Variants in FRMD4A observed in about 807,000 individuals in gnomAD.
FRMD4A encodes FERM domain-containing protein 4A.
In FRMD4A, 29 loss-of-function variants were observed where a neutral mutation model predicts 129.1. The ratio of observed to expected loss-of-function variants is 0.22; its 90% CI spans 0.17 to 0.31. The LOEUF is 0.31. FRMD4A is among the 10% of genes least tolerant of loss of function. FRMD4A has a pLI of 1.00. For missense variants in FRMD4A, 1,272 were observed against 1,375.8 expected, an observed-to-expected ratio of 0.92 and a Z score of 1.19; for synonymous variants, 634 against 571.6, an observed-to-expected ratio of 1.11 and a Z score of -1.56.
At chr10:13,833,432 G>A (rs2093821758) in intron 3 of FRMD4A, among the ~76,000 whole-genome samples, 1 of 152,120 alleles carries the variant, frequency 6.6e-6, no homozygotes, top group Non-Finnish European at 1.5e-5. Flanking sequence ...TGACACATGG[G>A]AATTATTACA....
rs1047955111 is a variant in FRMD4A at position 13,966,630 on chromosome 10, G to A, written c.46-107718C>T. The stretch of plus-strand genomic sequence containing the variant: ...ACAGAAGTTTCCCTCCAGGGCTGGG[G>A]CCGAGTGCTGTTTAGAGAAGGGGAC... On this transcript the variant is annotated intron_variant, in intron 2 of 24. Transcript: ENST00000357447. 3.3e-5 allele frequency among the ~76,000 whole-genome samples: 5 copies of A among 152,344 alleles called. No homozygotes were observed. In the East Asian group the frequency reaches 9.7e-4, roughly 29 times the overall value.
Position 13,884,154 on chromosome 10 carries a change from T to TCACTCACACACACACACACTCACACACA in FRMD4A, c.46-25243_46-25242insTGTGTGTGAGTGTGTGTGTGTGTGAGTG, listed in dbSNP as rs1564970810. 1.8e-3 allele frequency among the ~76,000 whole-genome samples: 205 copies of TCACTCACACACACACACACTCACACACA among 111,192 alleles called. 5 individuals are homozygous for TCACTCACACACACACACACTCACACACA. The highest frequency in any genetic ancestry group is 2.6e-3 in the Non-Finnish European group (139 of 54,402). The allele number at this position is 111,192 out of a possible 152,430, so 72.9% of individuals were successfully genotyped here. A position where few individuals can be genotyped will look rare whatever the true frequency, so the allele number is the denominator to read the frequency against. ...CACGCTCACACACACTCTCACACAC[T>TCACTCACACACACACACACTCACACACA]CTCACACACACACTCACACACTCAC... On this transcript the variant is annotated intron_variant, in intron 2 of 24. Coordinates refer to ENST00000357447, the MANE Select transcript of FRMD4A (RefSeq NM_018027.5).
At chr10:13,787,734 C>T (rs930330422) in intron 5 of FRMD4A, among the ~76,000 whole-genome samples, 2 of 151,874 alleles carry the variant, frequency 1.3e-5, no homozygotes, top group African/African-American at 2.4e-5. Context: ...ACTCAGGTTA[C>T]AGGCCAGCCT....
chr10:14,103,447 G>A (rs1837414422), intron 2 of FRMD4A, among the ~76,000 whole-genome samples: 1 of 152,176 alleles, frequency 6.6e-6, no homozygotes, highest in South Asian at 2.1e-4. Context: ...GATCCACTGA[G>A]GTTGGTGGAG....
At chr10:14,095,261 T>C (rs12255673) in intron 2 of FRMD4A, among the ~76,000 whole-genome samples, 45,094 of 152,092 alleles carry the variant, frequency 0.3, 6,958 homozygotes, top group East Asian at 0.41. Context: ...CACCAGCTCT[T>C]CAGAGTAAAT....
intron 2 of FRMD4A, among the ~76,000 whole-genome samples, chr10:13,982,104 C>A (rs1011377617): frequency 2.0e-5 from 3 of 152,158 alleles, no homozygotes; most frequent in Non-Finnish European, 4.4e-5. Context: ...GAAACCAGAA[C>A]CCTTTTTTCC....
At chr10:14,304,615 G>A (rs965585029) in intron 2 of FRMD4A, among the ~76,000 whole-genome samples, 1 of 152,164 alleles carries the variant, frequency 6.6e-6, no homozygotes, top group Non-Finnish European at 1.5e-5. Flanking sequence ...GTCTGGCCAA[G>A]CTCATGGTGA....
intron 12 of FRMD4A, among the ~76,000 whole-genome samples, chr10:13,713,948 TACACAC>T (rs201359265): frequency 9.5e-6 from 1 of 105,332 alleles, no homozygotes; most frequent in Non-Finnish European, 2.0e-5. Context: ...ATATATGTAA[TACACAC>T]ACATATATAA....
At chr10:13,860,902 C>T (rs2094286089) in intron 2 of FRMD4A, among the ~76,000 whole-genome samples, 1 of 152,214 alleles carries the variant, frequency 6.6e-6, no homozygotes, top group Non-Finnish European at 1.5e-5. Context: ...CCTCAGCCTC[C>T]TGAGTAGCTG....
intron 2 of FRMD4A, among the ~76,000 whole-genome samples, chr10:14,221,641 C>G (rs1843264062): frequency 6.6e-6 from 1 of 152,042 alleles, no homozygotes; most frequent in South Asian, 2.1e-4. Context: ...CTAACTCCAG[C>G]CTCCAACTCC....
Position 13,810,844 on chromosome 10 carries a change from T to C in FRMD4A, c.176A>G (p.Glu59Gly). 6.3e-7 allele frequency: 1 copy of C among 1,596,832 alleles called. No homozygotes were observed. The highest frequency in any genetic ancestry group is 8.6e-7 in the Non-Finnish European group (1 of 1,164,898). ...VASHFNLKEK[E>G]YFGIAFTDET... ...ATCTGTGAATGCTATTCCAAAGTACTCCTTTTCCTTCAGATTGAAGTGAGA... is the reference window on the plus strand; with the variant it reads ...ATCTGTGAATGCTATTCCAAAGTACCCCTTTTCCTTCAGATTGAAGTGAGA... Residue 59 changes from glutamate (E) to glycine (G), a missense_variant, in exon 4 of 25, where the codon GAG becomes GGG. Physicochemically the swap from Glu to Gly is moderately conservative, Grantham distance 98. This residue lies in a region of FRMD4A where 300 missense variants were observed against 483.6 expected (regional missense o/e 0.62). Coordinates refer to ENST00000357447, the MANE Select transcript of FRMD4A (RefSeq NM_018027.5).
chr10:13,977,430 C>G (rs994882928), intron 2 of FRMD4A, among the ~76,000 whole-genome samples: 3 of 152,194 alleles, frequency 2.0e-5, no homozygotes, highest in African/African-American at 7.2e-5. Flanking sequence ...GTGTTGGAAG[C>G]TTTGTTCTTT....
At chr10:13,901,478 C>T (rs752996401) in intron 2 of FRMD4A, among the ~76,000 whole-genome samples, 3 of 152,008 alleles carry the variant, frequency 2.0e-5, no homozygotes, top group African/African-American at 7.2e-5. Flanking sequence ...GGCATGGTGG[C>T]GGGTGCCTAT....
intron 2 of FRMD4A, among the ~76,000 whole-genome samples, chr10:14,323,587 GC>G (rs5783389): frequency 1 from 152,296 of 152,302 alleles, 76,145 homozygotes; most frequent in Middle Eastern, 1. Flanking sequence ...TATCCTTTTT[GC>G]CCTTCCTAGC....
Position 14,050,434 on chromosome 10 carries a change from C to T in FRMD4A, c.46-191522G>A, listed in dbSNP as rs112656002. ...AGATGATGAAAGACCTAATAAAATA[C>T]AAATTACCATTGTGGTATAATAAAA... On this transcript the variant is annotated intron_variant, in intron 2 of 24. Transcript: ENST00000357447. Among the ~76,000 whole-genome samples the T allele has an allele frequency of 2.2e-3, 335 of 152,286 alleles. 1 individual carries two copies. Among genetic ancestry groups the T allele is most frequent in the African/African-American group, 7.7e-3 (321 of 41,552 alleles).
At chr10:14,043,784 T>A (rs1833877457) in intron 2 of FRMD4A, among the ~76,000 whole-genome samples, 2 of 152,196 alleles carry the variant, frequency 1.3e-5, no homozygotes, top group African/African-American at 4.8e-5. Flanking sequence ...CCTAGGTTAG[T>A]GGTACCATCA....
At chr10:13,839,951 C>T (rs1483076857) in intron 3 of FRMD4A, among the ~76,000 whole-genome samples, 3 of 152,246 alleles carry the variant, frequency 2.0e-5, no homozygotes, top group Non-Finnish European at 4.4e-5. Context: ...AGGCCCATCC[C>T]AGGCAGCACA....
intron 14 of FRMD4A, among the ~76,000 whole-genome samples, chr10:13,695,449 G>A (rs1395363183): frequency 6.6e-6 from 1 of 152,152 alleles, no homozygotes. Context: ...CTAAAGCAGT[G>A]GTTTTTATAA....
chr10:14,130,838 T>TG (rs1470940325), intron 2 of FRMD4A, among the ~76,000 whole-genome samples: 3 of 152,336 alleles, frequency 2.0e-5, no homozygotes, highest in African/African-American at 7.2e-5. Flanking sequence ...CCGTAGCCCC[T>TG]GGCTCTTACT....
Sources: allele counts gnomAD v4.1 joint callset (sites outside exome capture counted in the v4.1 genomes callset), GRCh38; gene constraint gnomAD v4.1.1; regional missense constraint gnomAD v4.1.1; transcripts MANE v1.5; gene names NCBI Gene and HGNC (gene_info 2026-07-23, HGNC 2026-07-21).